Variants in FAP observed in about 807,000 individuals in gnomAD.
FAP encodes the protein prolyl endopeptidase FAP.
A neutral mutation model predicts 126.5 loss-of-function variants in FAP; 110 were observed. The observed-to-expected ratio is 0.87, with a 90% CI of 0.74 to 1.02. The LOEUF (loss-of-function observed/expected upper bound fraction) is 1.02, where lower values mean the gene tolerates loss of function less well. Ranked by LOEUF, FAP falls within the 50% of genes least tolerant of loss-of-function variation. FAP has a pLI of 0.00. For synonymous variants in FAP, 334 were observed against 297.3 expected, an observed-to-expected ratio of 1.12 and a Z score of -1.27; for missense variants, 919 against 909.2, an observed-to-expected ratio of 1.01 and a Z score of -0.14.
In FAP at chr2:162,173,764, T is replaced by C. The variant is rs764081747; in HGVS notation, c.1993A>G (p.Met665Val). 6.2e-7 allele frequency: 1 copy of C among 1,604,400 alleles called. No homozygotes were observed. Among genetic ancestry groups the C allele is most frequent in the Admixed American group, 1.7e-5 (1 of 59,974 alleles). The change falls in exon 23 of 26, where the codon ATG becomes GTG. Residue 665 changes from methionine (M) to valine (V), a missense_variant. Transcript: ENST00000188790. Reference protein sequence around the residue: ...YYASVYTERFMGLPTKDDNLE... With the variant: ...YYASVYTERFVGLPTKDDNLE... ...TTATCATCCTTTGTTGGGAGACCCA[T>C]GAATCTCTCTGTGTAGACAGACGCT...
chr2:162,206,562 C>T (rs577610199), intron 12 of FAP, among the ~76,000 whole-genome samples: 7 of 152,188 alleles, frequency 4.6e-5, no homozygotes, highest in African/African-American at 7.2e-5. Flanking sequence ...CGCCTAAAGA[C>T]GGTGTAGTGT....
At chr2:162,187,339 C>T (rs1053309566) in intron 20 of FAP, among the ~76,000 whole-genome samples, 7 of 152,038 alleles carry the variant, frequency 4.6e-5, no homozygotes, top group Non-Finnish European at 7.4e-5. Context: ...TGACCTTTAG[C>T]TCCTCACATG....
At chr2:162,196,049 G>T (rs867939649) in intron 16 of FAP, among the ~76,000 whole-genome samples, 4 of 152,138 alleles carry the variant, frequency 2.6e-5, no homozygotes, top group Non-Finnish European at 4.4e-5. Flanking sequence ...CTTTTGATCC[G>T]TTCCTCAGTG....
At chr2:162,192,743 C>G (rs1688097802) in intron 17 of FAP, among the ~76,000 whole-genome samples, 1 of 152,080 alleles carries the variant, frequency 6.6e-6, no homozygotes, top group Non-Finnish European at 1.5e-5. Flanking sequence ...AATTCATCAT[C>G]CTCCCAAAAC....
intron 21 of FAP, among the ~76,000 whole-genome samples, chr2:162,179,228 T>C (rs1687598284): frequency 6.8e-6 from 1 of 147,914 alleles, no homozygotes; most frequent in African/African-American, 2.5e-5. Flanking sequence ...AATACTGTGT[T>C]AAACAAAACT....
chr2:162,208,487 T>C (rs1255851269), intron 12 of FAP, among the ~76,000 whole-genome samples: 1 of 152,194 alleles, frequency 6.6e-6, no homozygotes, highest in East Asian at 1.9e-4. Flanking sequence ...TTTGAAAGGG[T>C]TGTTGGTATC....
chr2:162,216,141 A>G (rs1689153530), intron 9 of FAP, 140 bp from the exon 10 acceptor site: 5 of 590,590 alleles, frequency 8.5e-6, no homozygotes, highest in Non-Finnish European at 1.5e-5. Flanking sequence ...TATTTATAAC[A>G]CGACAAGGAA....
chr2:162,171,170 C>T, intron 25 of FAP, 90 bp from the exon 26 acceptor site: 1 of 869,710 alleles, frequency 1.1e-6, no homozygotes, highest in Non-Finnish European at 1.9e-6. Context: ...ACCTGATAAT[C>T]TTTCTATTAT....
At chr2:162,215,483 C>T (rs1689126914) in intron 10 of FAP, among the ~76,000 whole-genome samples, 2 of 152,186 alleles carry the variant, frequency 1.3e-5, no homozygotes, top group African/African-American at 4.8e-5. Flanking sequence ...GAATAGCCTG[C>T]TTCATTGTGA....
intron 24 of FAP, 95 bp downstream of exon 24, chr2:162,173,054 C>T: frequency 8.1e-7 from 1 of 1,237,746 alleles, no homozygotes; most frequent in South Asian, 1.2e-5. Flanking sequence ...TAGGTACTGA[C>T]CCTGAGCATA....
intron 21 of FAP, among the ~76,000 whole-genome samples, chr2:162,181,599 A>G (rs775517914): frequency 6.6e-6 from 1 of 151,962 alleles, no homozygotes; most frequent in Non-Finnish European, 1.5e-5. Context: ...TTATTTTGGA[A>G]TCCTCCCTTA....
At chr2:162,185,735 G>T (rs572959075) in intron 20 of FAP, among the ~76,000 whole-genome samples, 140 of 152,180 alleles carry the variant, frequency 9.2e-4, no homozygotes, top group African/African-American at 3.2e-3. Flanking sequence ...TTTTGTAAAA[G>T]ATTCAGGGGA....
intron 20 of FAP, among the ~76,000 whole-genome samples, chr2:162,186,586 G>A (rs1045656568): frequency 4.6e-5 from 7 of 152,032 alleles, no homozygotes; most frequent in South Asian, 2.1e-4. Context: ...CGATGATGAC[G>A]ATGATGAAGA....
intron 20 of FAP, among the ~76,000 whole-genome samples, chr2:162,187,037 C>CTT (rs1039802973): frequency 6.6e-6 from 1 of 151,178 alleles, no homozygotes; most frequent in African/African-American, 2.4e-5. Flanking sequence ...CTCAGATAGA[C>CTT]TTTTTTTTTA....
chr2:162,243,085 C>T (rs926066944), intron 1 of FAP, 93 bp from the exon 2 acceptor site: 15 of 1,036,496 alleles, frequency 1.4e-5, no homozygotes, highest in Middle Eastern at 2.1e-4. Context: ...CTTTTTCTCT[C>T]GCCCCACAAA....
intron 9 of FAP, among the ~76,000 whole-genome samples, chr2:162,216,522 G>T (rs538407728): frequency 6.6e-6 from 1 of 152,166 alleles, no homozygotes; most frequent in East Asian, 1.9e-4. Flanking sequence ...ATCTCCAAAA[G>T]GTTAGGGAAA....
chr2:162,178,758 T>C (rs1356745871), intron 21 of FAP, among the ~76,000 whole-genome samples: 1 of 152,216 alleles, frequency 6.6e-6, no homozygotes, highest in Non-Finnish European at 1.5e-5. Context: ...CAAAAAATTT[T>C]GTTGGGTGCG....
chr2:162,203,174 A>G (rs1688565565), intron 12 of FAP, 29 bp from the exon 13 acceptor site: 1 of 1,468,100 alleles, frequency 6.8e-7, no homozygotes, highest in African/African-American at 1.4e-5. Flanking sequence ...GGTTATGTTC[A>G]AAAGACAAAC....
At chr2:162,198,104 G>T (rs78179457) in intron 16 of FAP, 1 of 1,060,538 alleles carries the variant, frequency 9.4e-7, no homozygotes, top group African/African-American at 1.7e-5. Context: ...TTAAATGTAC[G>T]TATGTCCTAA....
Sources: gnomAD v4.1 joint callset for allele counts (sites outside exome capture counted in the v4.1 genomes callset) on GRCh38, gnomAD v4.1.1 for gene constraint, MANE v1.5 for transcripts, NCBI Gene and HGNC (gene_info 2026-07-23, HGNC 2026-07-21) for gene names.